LACTB2: variants seen among roughly 807,000 people sequenced by gnomAD.
LACTB2 encodes lactamase beta 2, also known as endoribonuclease LACTB2.
LACTB2 carries 32 observed loss-of-function variants against 34.8 expected under a neutral mutation model. The observed-to-expected ratio is 0.92, with a 90% CI of 0.69 to 1.24. The LOEUF is 1.24. Among genes scored for constraint, LACTB2 ranks in the 50% most tolerant of loss-of-function variants. The probability of loss-of-function intolerance (pLI) is 0.00; values close to 1 mark genes in which losing one functional copy is unlikely to be tolerated. For synonymous variants in LACTB2, 120 were observed against 117.5 expected (o/e 1.02, Z -0.14); for missense variants, 320 against 345.0 (o/e 0.93, Z 0.57).
At chr8:70,651,188 A>T (rs1419897087) in intron 3 of LACTB2, among the ~76,000 whole-genome samples, 1 of 152,186 alleles carries the variant, frequency 6.6e-6, no homozygotes, top group African/African-American at 2.4e-5. Context: ...GACATGAGAT[A>T]CTAATGGAAG....
chr8:70,668,875 G>C, intron 1 of LACTB2, 124 bp downstream of exon 1: 1 of 1,358,470 alleles, frequency 7.4e-7, no homozygotes, highest in Non-Finnish European at 9.9e-7. Flanking sequence ...GGGCTGCTAG[G>C]CGCGGGGCTG....
At chr8:70,649,092 A>G (rs1321131826) in intron 3 of LACTB2, among the ~76,000 whole-genome samples, 1 of 152,228 alleles carries the variant, frequency 6.6e-6, no homozygotes, top group Non-Finnish European at 1.5e-5. Flanking sequence ...GTTAGATGAA[A>G]AAAGGATACT....
intron 1 of LACTB2, chr8:70,662,111 G>A: frequency 2.5e-6 from 1 of 405,820 alleles, no homozygotes; most frequent in Non-Finnish European, 4.4e-6. Flanking sequence ...GTCTGAACAA[G>A]GAATAATAGC....
At chr8:70,661,282 C>T (rs925946670) in intron 2 of LACTB2, 2 of 324,528 alleles carry the variant, frequency 6.2e-6, no homozygotes, top group Non-Finnish European at 1.2e-5. Context: ...AATGTCAGTA[C>T]TGTATAGGTT....
chr8:70,648,560 A>T (rs1284850267), intron 3 of LACTB2, among the ~76,000 whole-genome samples: 3 of 152,188 alleles, frequency 2.0e-5, no homozygotes, highest in African/African-American at 7.2e-5. Context: ...AAAGGCAAAA[A>T]GATGAAAAAT....
intron 3 of LACTB2, 124 bp from the exon 4 acceptor site, chr8:70,644,367 G>C (rs1283727924): frequency 1.6e-6 from 1 of 619,784 alleles, no homozygotes. Flanking sequence ...TTAAAAAGCT[G>C]CTTTTTCTTT....
intron 1 of LACTB2, among the ~76,000 whole-genome samples, chr8:70,665,581 C>T (rs904249351): frequency 1.3e-5 from 2 of 152,104 alleles, no homozygotes; most frequent in African/African-American, 4.8e-5. Flanking sequence ...TTTCCACGTG[C>T]TAGAACTTGT....
At chr8:70,665,398 T>C (rs1191756425) in intron 1 of LACTB2, among the ~76,000 whole-genome samples, 1 of 152,218 alleles carries the variant, frequency 6.6e-6, no homozygotes, top group Non-Finnish European at 1.5e-5. Flanking sequence ...TAGAATCAAA[T>C]TCCTTGTTAT....
intron 1 of LACTB2, 119 bp from the exon 2 acceptor site, chr8:70,662,016 A>T (rs17760050): frequency 0.46 from 382,229 of 835,708 alleles, 94,655 homozygotes; most frequent in Non-Finnish European, 0.52. Context: ...TTTAACATGC[A>T]CAAAAACCAG....
chr8:70,658,208 C>T (rs571741640), intron 2 of LACTB2, among the ~76,000 whole-genome samples: 221 of 152,176 alleles, frequency 1.5e-3, no homozygotes, highest in Non-Finnish European at 2.7e-3. Flanking sequence ...AATACAGAAC[C>T]TGGAAACTCT....
At position 70,645,401 on chromosome 8, in the gene LACTB2, T is replaced by G. The variant is rs10099633; in HGVS notation, c.414-1158A>C. On this transcript the variant is annotated intron_variant, in intron 3 of 6. Transcript: ENST00000276590. The stretch of plus-strand genomic sequence containing the variant: ...GCATAGCAGATGGCACAAAATTGCA[T>G]GCTTAATAAATGGTAAATTTATTTT... Among the ~76,000 whole-genome samples the G allele has an allele frequency of 8.1e-4, 123 of 152,338 alleles. 1 individual carries two copies. The highest frequency in any genetic ancestry group is 2.9e-3 in the African/African-American group (119 of 41,578).
At chr8:70,659,889 T>G (rs1002047258) in intron 2 of LACTB2, among the ~76,000 whole-genome samples, 1 of 152,202 alleles carries the variant, frequency 6.6e-6, no homozygotes, top group Non-Finnish European at 1.5e-5. Flanking sequence ...ATGGAGGAAG[T>G]GTTCCATATC....
chr8:70,640,769 G>C, intron 5 of LACTB2, 133 bp downstream of exon 5: 1 of 1,074,772 alleles, frequency 9.3e-7, no homozygotes, highest in Non-Finnish European at 1.2e-6. Context: ...AGAAAGTTTA[G>C]GCTGCTGGTC....
At chr8:70,644,903 T>C (rs532460688) in intron 3 of LACTB2, among the ~76,000 whole-genome samples, 40 of 152,264 alleles carry the variant, frequency 2.6e-4, no homozygotes, top group African/African-American at 9.4e-4. Context: ...GAGGGAGAGC[T>C]TTTATTATTA....
At chr8:70,649,130 A>C (rs1289856911) in intron 3 of LACTB2, among the ~76,000 whole-genome samples, 1 of 152,198 alleles carries the variant, frequency 6.6e-6, no homozygotes, top group Non-Finnish European at 1.5e-5. Context: ...TCAAAAATTC[A>C]CCATTTCTCA....
intron 2 of LACTB2, chr8:70,660,857 A>G (rs992482816): frequency 8.8e-6 from 4 of 455,892 alleles, no homozygotes; most frequent in Non-Finnish European, 1.3e-5. Flanking sequence ...GGCTTACTGC[A>G]GCCTCAGCTT....
At chr8:70,650,067 T>C (rs1818318963) in intron 3 of LACTB2, among the ~76,000 whole-genome samples, 1 of 152,142 alleles carries the variant, frequency 6.6e-6, no homozygotes, top group Non-Finnish European at 1.5e-5. Context: ...ACTGCAGCCT[T>C]GAACTCCTGG....
At chr8:70,660,162 C>G (rs1440944802) in intron 2 of LACTB2, 1 of 150,690 alleles carries the variant, frequency 6.6e-6, no homozygotes, top group Non-Finnish European at 1.5e-5. Context: ...CTTTGTAGCT[C>G]AGGCTGGTCT....
intron 3 of LACTB2, among the ~76,000 whole-genome samples, chr8:70,652,129 TTA>T (rs1279541499): frequency 6.6e-6 from 1 of 152,218 alleles, no homozygotes. Flanking sequence ...CTACTGCATT[TTA>T]TGTTATTTTT....
Sources: gnomAD v4.1 joint callset for allele counts (sites outside exome capture counted in the v4.1 genomes callset) on GRCh38, gnomAD v4.1.1 for gene constraint, MANE v1.5 for transcripts, NCBI Gene and HGNC (gene_info 2026-07-23, HGNC 2026-07-21) for gene names.